TUSC3: variants seen among roughly 807,000 people sequenced by gnomAD.
The protein encoded by TUSC3 is dolichyl-diphosphooligosaccharide--protein glycosyltransferase subunit TUSC3.
TUSC3 carries 45 observed loss-of-function variants against 44.8 expected under a neutral mutation model. The ratio of observed to expected loss-of-function variants is 1.00; its 90% confidence interval spans 0.79 to 1.29. The LOEUF is 1.29. Ranked by LOEUF, TUSC3 falls within the 50% of genes most tolerant of loss-of-function variation. TUSC3 has a pLI of 0.00. For missense variants in TUSC3, 519 were observed against 437.9 expected (o/e 1.19, Z -1.65); for synonymous variants, 212 against 152.9 (o/e 1.39, Z -2.85).
rs183705421 is a variant in TUSC3, at chr8:15,435,443, T to C, written n.91+18138T>C. Among the ~76,000 whole-genome samples the C allele has an allele frequency of 4.3e-4, 65 of 152,332 alleles. 1 individual carries two copies. The East Asian group carries it at 0.011, about 26-fold the overall frequency. ...TAATACATAAACTTAAGGAATATAG[T>C]GAAGTACTCAAATGTCTACAGAAAA... On this transcript the variant is annotated intron_variant and non_coding_transcript_variant, in intron 1 of 5. Transcript: ENST00000503191.
chr8:15,682,578 C>T (rs955968604), intron 6 of TUSC3, among the ~76,000 whole-genome samples: 8 of 151,996 alleles, frequency 5.3e-5, no homozygotes, highest in African/African-American at 1.2e-4. Flanking sequence ...CTATTGGAGA[C>T]GGAACATATT....
chr8:15,521,624 AAAAG>A lies in TUSC3; in HGVS notation n.189+38142_189+38145del, dbSNP rs553129991. ...ACGATAGGTAATTACCCCCCCCAAA[AAAAG>A]GTACGTGCATAAACTTTAAGAAAGT... On this transcript the variant is annotated intron_variant and non_coding_transcript_variant, in intron 2 of 5. Transcript: ENST00000503191. Among the ~76,000 whole-genome samples the A allele has an allele frequency of 1.8e-3, 275 of 152,226 alleles. 1 individual carries two copies. Among genetic ancestry groups the A allele is most frequent in the African/African-American group, 6.4e-3 (264 of 41,528 alleles).
Position 15,544,316 on chromosome 8 carries a change from C to G in TUSC3, c.138+3748C>G, listed in dbSNP as rs1249204033. 2.0e-5 allele frequency among the ~76,000 whole-genome samples: 3 copies of G among 146,768 alleles called. No individual in the cohort carries two copies. The East Asian group carries it at 6.4e-4, about 31-fold the overall frequency. Reference sequence around the variant, plus strand: ...GAATTGTTTTAATTTATAATGACCTCTTCTGATAATGTGAAAAGAGCTCCA... The same window carrying G: ...GAATTGTTTTAATTTATAATGACCTGTTCTGATAATGTGAAAAGAGCTCCA... On this transcript the variant is annotated intron_variant, in intron 1 of 10. Transcript: ENST00000503731.
chr8:15,803,941 G>T, the TUSC3 span, among the ~76,000 whole-genome samples: 1 of 152,208 alleles, frequency 6.6e-6, no homozygotes, highest in Admixed American at 6.5e-5. Flanking sequence ...TCTTTATCCA[G>T]TCTATCATCG....
chr8:15,648,725 CAAAAAA>C (rs58526383), intron 2 of TUSC3, among the ~76,000 whole-genome samples: 22 of 26,154 alleles, frequency 8.4e-4, no homozygotes, highest in Admixed American at 1.5e-3. Context: ...GACTCTGTGT[CAAAAAA>C]AAAAAAAAAA....
chr8:15,631,148 G>A (rs140769069), intron 2 of TUSC3, among the ~76,000 whole-genome samples: 7 of 152,228 alleles, frequency 4.6e-5, no homozygotes, highest in Admixed American at 1.3e-4. Context: ...TTTGGCTAAC[G>A]TGAGACATTT....
the TUSC3 span, among the ~76,000 whole-genome samples, chr8:15,845,683 T>G: frequency 6.6e-6 from 1 of 152,188 alleles, no homozygotes; most frequent in Non-Finnish European, 1.5e-5. Context: ...CAGTATTCAG[T>G]ATTTTGTTCT....
At chr8:15,433,802 A>G (rs1376235509) in intron 1 of TUSC3, among the ~76,000 whole-genome samples, 1 of 152,166 alleles carries the variant, frequency 6.6e-6, no homozygotes, top group Non-Finnish European at 1.5e-5. Flanking sequence ...GTAGAAATAT[A>G]CGTTATATGG....
At chr8:15,588,532 T>G (rs1803689181) in intron 1 of TUSC3, among the ~76,000 whole-genome samples, 1 of 152,206 alleles carries the variant, frequency 6.6e-6, no homozygotes, top group Non-Finnish European at 1.5e-5. Context: ...TGTTGTTTCC[T>G]TTGCTGTTCA....
At chr8:15,798,507 T>TGAAG in the TUSC3 span, among the ~76,000 whole-genome samples, 545 of 152,044 alleles carry the variant, frequency 3.6e-3, 3 homozygotes, top group African/African-American at 0.012. Flanking sequence ...AGAGAAAGAG[T>TGAAG]GAAGGATAGT....
At chr8:15,511,644 C>T (rs1452696963) in intron 2 of TUSC3, among the ~76,000 whole-genome samples, 1 of 152,004 alleles carries the variant, frequency 6.6e-6, no homozygotes, top group Non-Finnish European at 1.5e-5. Flanking sequence ...CCAAGATGGG[C>T]AGATCACTTG....
intron 1 of TUSC3, among the ~76,000 whole-genome samples, chr8:15,555,551 TC>T (rs1802230018): frequency 6.6e-6 from 1 of 151,446 alleles, no homozygotes; most frequent in Admixed American, 6.6e-5. Context: ...TGCCTTGGCC[TC>T]CCAGAGTGCT....
intron 2 of TUSC3, among the ~76,000 whole-genome samples, chr8:15,626,501 G>C (rs13271080): frequency 0.75 from 114,713 of 152,192 alleles, 44,597 homozygotes; most frequent in Non-Finnish European, 0.85. Flanking sequence ...CAGTATATCC[G>C]TGTGCTCTTT....
At chr8:15,688,960 C>T (rs1459861288) in intron 6 of TUSC3, 8 of 229,070 alleles carry the variant, frequency 3.5e-5, no homozygotes, top group African/African-American at 7.1e-5. Context: ...TGAGTGCATA[C>T]AGGAGACCTC....
chr8:15,510,914 T>C (rs562279802), intron 2 of TUSC3, among the ~76,000 whole-genome samples: 3 of 152,324 alleles, frequency 2.0e-5, no homozygotes, highest in African/African-American at 7.2e-5. Context: ...AAGATTGGTT[T>C]ACTTGTTGAA....
intron 1 of TUSC3, among the ~76,000 whole-genome samples, chr8:15,443,355 TG>T (rs1800046406): frequency 6.6e-6 from 1 of 150,640 alleles, no homozygotes; most frequent in Non-Finnish European, 1.5e-5. Flanking sequence ...TGTGTGTGTG[TG>T]TGTGTGTGTG....
At chr8:15,537,677 T>A (rs566737834), upstream of TUSC3, among the ~76,000 whole-genome samples, 135 of 152,150 alleles carry the variant, frequency 8.9e-4, no homozygotes, top group African/African-American at 3.2e-3. Context: ...AAACTGAATA[T>A]AAAGGCAGCA....
intron 2 of TUSC3, among the ~76,000 whole-genome samples, chr8:15,650,220 C>G (rs1019672752): frequency 7.9e-5 from 12 of 152,128 alleles, no homozygotes; most frequent in African/African-American, 1.7e-4. Flanking sequence ...AATTTTAAAA[C>G]TATTAATTTT....
chr8:15,532,085 C>T (rs1801458455), intron 2 of TUSC3, among the ~76,000 whole-genome samples: 2 of 152,062 alleles, frequency 1.3e-5, no homozygotes, highest in South Asian at 2.1e-4. Flanking sequence ...ATGTCAAATG[C>T]ACCTAAGTTT....
Sources: gnomAD v4.1 joint callset for allele counts (sites outside exome capture counted in the v4.1 genomes callset) on GRCh38, gnomAD v4.1.1 for gene constraint, MANE v1.5 for transcripts, NCBI Gene and HGNC (gene_info 2026-07-23, HGNC 2026-07-21) for gene names.